Variants in COCH observed in about 807,000 individuals in gnomAD.
The protein encoded by COCH is coagulation factor C homolog, cochlin (Limulus polyphemus).
COCH carries 40 observed loss-of-function variants against 54.8 expected under a neutral mutation model. The observed-to-expected ratio is 0.73, with a 90% confidence interval of 0.57 to 0.95. The LOEUF is 0.95. Ranked by LOEUF, COCH falls within the 40% of genes least tolerant of loss-of-function variation. The probability of loss-of-function intolerance (pLI) is 0.00; values close to 1 mark genes in which losing one functional copy is unlikely to be tolerated. For missense variants in COCH, 605 were observed against 675.0 expected, an observed-to-expected ratio of 0.90 and a Z score of 1.15; for synonymous variants, 256 against 237.9, an observed-to-expected ratio of 1.08 and a Z score of -0.70.
At chr14:30,891,821 G>T (rs1368103032), downstream of COCH, among the ~76,000 whole-genome samples, 1 of 152,166 alleles carries the variant, frequency 6.6e-6, no homozygotes, top group Non-Finnish European at 1.5e-5. Flanking sequence ...GCAGAAATCA[G>T]AACTGTAGGT....
chr14:30,874,889 C>G (rs753640775), intron 1 of COCH, 27 bp from the exon 2 acceptor site: 2 of 1,609,952 alleles, frequency 1.2e-6, no homozygotes, highest in African/African-American at 1.3e-5. Flanking sequence ...GCACCCTGGC[C>G]TTGCCCGCAT....
In COCH at chr14:30,877,748, G is replaced by C; in HGVS notation, c.239+20G>C. ...CCACAGGTAAGCCCAAACACACCAG[G>C]GTGGGAGAGAAATGCAGACGTGATT... On this transcript the variant is annotated intron_variant, in intron 4 of 11. Coordinates refer to ENST00000396618, the MANE Select transcript of COCH (RefSeq NM_004086.3). The surrounding 1 kb of genome is among the most constrained non-coding windows in gnomAD (Gnocchi z 8.6). 1 of 1,614,040 alleles carries C rather than the reference G, an allele frequency of 6.2e-7. No homozygotes were observed. Among genetic ancestry groups the C allele is most frequent in the Non-Finnish European group, 8.5e-7 (1 of 1,180,024 alleles).
Position 30,889,865 on chromosome 14 carries a change from A to C in COCH, c.*74A>C, listed in dbSNP as rs1895926383. 1 of 1,544,916 alleles carries C rather than the reference A, an allele frequency of 6.5e-7. No individual in the cohort carries two copies. Among genetic ancestry groups the C allele is most frequent in the African/African-American group, 1.4e-5 (1 of 72,782 alleles). On this transcript the variant is annotated 3_prime_UTR_variant, in exon 12 of 12. Transcript: ENST00000396618. ...GTAAATTGTATTCTCATAATACTGA[A>C]ATGCTTTAGCATACTAGAATCAGAT...
downstream of COCH, chr14:30,894,989 C>T: frequency 1.3e-6 from 1 of 789,134 alleles, no homozygotes; most frequent in South Asian, 2.4e-5. Flanking sequence ...AAAAGCTACT[C>T]TTGGAGCTCA....
Position 30,885,430 on chromosome 14 carries a change from C to A in COCH, c.770C>A (p.Thr257Lys). 1.9e-6 allele frequency: 3 copies of A among 1,613,898 alleles called. No homozygotes were observed. Among genetic ancestry groups the A allele is most frequent in the Non-Finnish European group, 1.7e-6 (2 of 1,179,924 alleles). The change falls in exon 10 of 12, where the codon ACG becomes AAG. Residue 257 changes from threonine (T) to lysine (K), a missense_variant. Coordinates refer to ENST00000396618, the MANE Select transcript of COCH (RefSeq NM_004086.3). Reference sequence around the variant, plus strand: ...AAGCATACTGCTCAGAAATTCTTCACGGTAGATGCTGGAGTAAGAAAAGGG... The same window carrying A: ...AAGCATACTGCTCAGAAATTCTTCAAGGTAGATGCTGGAGTAAGAAAAGGG... The part of the protein sequence containing the change: ...ALKHTAQKFF[T>K]VDAGVRKGIP...
In COCH at chr14:30,875,101, C is replaced by G; in HGVS notation, c.80C>G (p.Ala27Gly). 1 of 1,568,734 alleles carries G rather than the reference C, an allele frequency of 6.4e-7. No homozygotes were observed. Among genetic ancestry groups the G allele is most frequent in the Non-Finnish European group, 8.6e-7 (1 of 1,157,578 alleles). ...LLPGPAGSEG[A>G]APIAITCFTR... ...CCGGGGCCCGCGGGCAGCGAGGGAGCCGGTGAGTGGGGGAGCTGGGGTGCG... is the reference window on the plus strand; with the variant it reads ...CCGGGGCCCGCGGGCAGCGAGGGAGGCGGTGAGTGGGGGAGCTGGGGTGCG... The change falls in exon 3 of 12, where the codon GCC becomes GGC. Residue 27 changes from alanine to glycine, a missense_variant and splice_region_variant. By Grantham distance (60) the Ala-to-Gly change is moderately conservative (BLOSUM62 0). Coordinates refer to ENST00000396618, the MANE Select transcript of COCH (RefSeq NM_004086.3).
intron 8 of COCH, 29 bp from the exon 9 acceptor site, chr14:30,884,524 C>T: frequency 6.8e-7 from 1 of 1,469,304 alleles, no homozygotes; most frequent in South Asian, 1.1e-5. Flanking sequence ...TTAATTCTCC[C>T]TGAATAACAT....
At position 30,880,387 on chromosome 14, in the gene COCH, C is replaced by T. The variant is rs369035387; in HGVS notation, c.437-65C>T. ...CACTCTGTTGTTATGAGCTTCTCCC[C>T]ATGTGGGTTTCTTGCTATGTAACTG... On this transcript the variant is annotated intron_variant, in intron 6 of 11. Transcript: ENST00000396618. 1.2e-5 allele frequency: 19 copies of T among 1,599,012 alleles called. No homozygotes were observed. The East Asian group carries it at 3.6e-4, about 31-fold the overall frequency.
chr14:30,888,792 GAA>G (rs34664716), intron 11 of COCH, among the ~76,000 whole-genome samples: 3 of 126,704 alleles, frequency 2.4e-5, no homozygotes, highest in Admixed American at 8.1e-5. Context: ...CCCTGTCTGA[GAA>G]AAAAAAAAAA....
Position 30,874,904 on chromosome 14 carries a change from C to T in COCH, c.-23-12C>T, listed in dbSNP as rs1895296602. The T allele has an allele frequency of 1.2e-6, 2 of 1,613,044 alleles. No homozygotes were observed. The highest frequency in any genetic ancestry group is 1.7e-6 in the Non-Finnish European group (2 of 1,179,512). On this transcript the variant is annotated splice_polypyrimidine_tract_variant and intron_variant, in intron 1 of 11. Coordinates refer to ENST00000396618, the MANE Select transcript of COCH (RefSeq NM_004086.3). ...GCACCCTGGCCTTGCCCGCATTCTC[C>T]CTCTCTCCCAGGTGTGAGCAGCCTA...
chr14:30,879,511 A>C, intron 6 of COCH, 26 bp downstream of exon 6: 1 of 1,611,830 alleles, frequency 6.2e-7, no homozygotes, highest in East Asian at 2.2e-5. Context: ...CCTATCTCCT[A>C]GTTGCCCGGC....
chr14:30,884,202 G>A (rs957287951), intron 8 of COCH, among the ~76,000 whole-genome samples: 2 of 152,214 alleles, frequency 1.3e-5, no homozygotes. Flanking sequence ...AAATGCAGCT[G>A]TGTTTCATCA....
rs1895921965 is a variant in COCH, at chr14:30,889,771, T to A, written c.1633T>A (p.Phe545Ile). The A allele has an allele frequency of 6.2e-7, 1 of 1,609,850 alleles. No individual in the cohort carries two copies. Among genetic ancestry groups the A allele is most frequent in the African/African-American group, 1.3e-5 (1 of 74,852 alleles). Residue 545 changes from phenylalanine to isoleucine, a missense_variant, in exon 12 of 12, where the codon TTC becomes ATC. Physicochemically the swap from Phe to Ile is conservative, Grantham distance 21. Coordinates refer to ENST00000396618, the MANE Select transcript of COCH (RefSeq NM_004086.3). ...TGTCATCAGAGGCATTTGTAGAGAT[T>A]TCTTAGAATCCCAGCAATAATGGTA... ...SDVIRGICRDFLESQQ is the reference protein window; with the variant it reads ...SDVIRGICRDILESQQ
chr14:30,892,134 CAT>C (rs1404018192), downstream of COCH, among the ~76,000 whole-genome samples: 2 of 152,104 alleles, frequency 1.3e-5, no homozygotes, highest in South Asian at 2.1e-4. Flanking sequence ...TCTAATTTCC[CAT>C]GTGTCAAATG....
intron 5 of COCH, 50 bp from the exon 6 acceptor site, chr14:30,879,373 T>C: frequency 6.4e-7 from 1 of 1,565,922 alleles, no homozygotes; most frequent in Admixed American, 1.7e-5. Flanking sequence ...TTCATAATAC[T>C]TTGGTAAAGA....
intron 5 of COCH, 66 bp from the exon 6 acceptor site, chr14:30,879,357 A>G (rs1895487267): frequency 6.7e-7 from 1 of 1,493,034 alleles, no homozygotes; most frequent in African/African-American, 1.4e-5. Flanking sequence ...AGAGCTCTAA[A>G]TTAGATTCAT....
At chr14:30,875,611 G>GGC in intron 3 of COCH, 1 of 339,440 alleles carries the variant, frequency 2.9e-6, no homozygotes, top group Non-Finnish European at 5.3e-6. Context: ...ATAATCAGAA[G>GGC]CACTCGCGGT....
intron 6 of COCH, 127 bp downstream of exon 6, chr14:30,879,612 A>C (rs1895497272): frequency 1.1e-6 from 1 of 882,502 alleles, no homozygotes; most frequent in South Asian, 1.3e-5. Flanking sequence ...CAAATACCTT[A>C]AGTTTACTGG....
At position 30,885,425 on chromosome 14, in the gene COCH, C is replaced by T; in HGVS notation, c.765C>T (p.Phe255=). The T allele has an allele frequency of 6.2e-7, 1 of 1,614,088 alleles. No homozygotes were observed. Residue 255 remains phenylalanine (F), a synonymous_variant, in exon 10 of 12, where the codon TTC becomes TTT. Transcript: ENST00000396618. ...CCTTGAAGCATACTGCTCAGAAATT[C>T]TTCACGGTAGATGCTGGAGTAAGAA... ...GKALKHTAQK[F]FTVDAGVRKG... is the part of the protein sequence containing the mutation.
Sources: gnomAD v4.1 joint callset for allele counts (sites outside exome capture counted in the v4.1 genomes callset) on GRCh38, gnomAD v4.1.1 for gene constraint, Gnocchi (gnomAD v3.1) non-coding constraint, MANE v1.5 for transcripts, NCBI Gene and HGNC (gene_info 2026-07-23, HGNC 2026-07-21) for gene names.